Variants in TYW5 observed in about 807,000 individuals in gnomAD.
The protein encoded by TYW5 is tRNA-yW synthesizing protein 5.
In TYW5, 36 loss-of-function variants were observed where a neutral mutation model predicts 44.4. The ratio of observed to expected loss-of-function variants is 0.81; its 90% CI spans 0.62 to 1.07. TYW5 has a LOEUF of 1.07. Ranked by LOEUF, TYW5 falls within the 50% of genes least tolerant of loss-of-function variation. The probability of loss-of-function intolerance (pLI) is 0.00; values close to 1 mark genes in which losing one functional copy is unlikely to be tolerated. For missense variants in TYW5, 354 were observed against 365.7 expected (o/e 0.97, Z 0.26); for synonymous variants, 121 against 128.1 (o/e 0.94, Z 0.37).
chr2:199,952,134 A>T (rs927671606), intron 1 of TYW5, among the ~76,000 whole-genome samples: 6 of 152,170 alleles, frequency 3.9e-5, no homozygotes, highest in Non-Finnish European at 7.3e-5. Context: ...TAATTTATTC[A>T]ATTATTCTCG....
At chr2:199,949,191 C>A (rs992716601) in intron 1 of TYW5, among the ~76,000 whole-genome samples, 1 of 151,482 alleles carries the variant, frequency 6.6e-6, no homozygotes, top group Non-Finnish European at 1.5e-5. Flanking sequence ...CCCATCTCTA[C>A]TAAAAATTAA....
chr2:199,940,199 A>G, intron 3 of TYW5, 66 bp from the exon 4 acceptor site: 1 of 1,389,856 alleles, frequency 7.2e-7, no homozygotes, highest in Non-Finnish European at 1.0e-6. Flanking sequence ...AAATACTAGG[A>G]TTTGTATAGC....
intron 1 of TYW5, among the ~76,000 whole-genome samples, chr2:199,950,525 C>G (rs2077536400): frequency 6.6e-6 from 1 of 152,160 alleles, no homozygotes; most frequent in South Asian, 2.1e-4. Context: ...GCATTCTCCT[C>G]ACATCTCTGT....
intron 2 of TYW5, chr2:199,947,571 T>G (rs1184972622): frequency 6.6e-6 from 1 of 152,206 alleles, no homozygotes; most frequent in African/African-American, 2.4e-5. Context: ...GATGAAAGAT[T>G]ATACCAAACA....
intron 3 of TYW5, among the ~76,000 whole-genome samples, chr2:199,941,283 C>T (rs1559303335): frequency 6.6e-6 from 1 of 152,144 alleles, no homozygotes; most frequent in African/African-American, 2.4e-5. Context: ...TCAAGTGATC[C>T]TCCGGTGTTG....
intron 1 of TYW5, among the ~76,000 whole-genome samples, chr2:199,949,831 T>C (rs2077531323): frequency 6.6e-6 from 1 of 152,214 alleles, no homozygotes; most frequent in Admixed American, 6.5e-5. Context: ...AATATCGAAA[T>C]GAGCTCTAAA....
intron 2 of TYW5, 21 bp from the exon 3 acceptor site, chr2:199,943,855 T>A (rs1406315023): frequency 6.3e-7 from 1 of 1,587,652 alleles, no homozygotes; most frequent in Non-Finnish European, 8.6e-7. Flanking sequence ...CACAAAGGAA[T>A]CCTTGGACTT....
At chr2:199,937,463 G>A (rs903241216) in intron 5 of TYW5, among the ~76,000 whole-genome samples, 3 of 150,892 alleles carry the variant, frequency 2.0e-5, no homozygotes, top group Non-Finnish European at 4.4e-5. Context: ...AGGAGTTTGA[G>A]ACCAGCCTGG....
chr2:199,955,315 C>A, intron 1 of TYW5, 78 bp downstream of exon 1: 1 of 1,521,586 alleles, frequency 6.6e-7, no homozygotes, highest in East Asian at 2.4e-5. Flanking sequence ...TCTCTAAAAA[C>A]CAGTTCCCAG....
intron 7 of TYW5, among the ~76,000 whole-genome samples, 171 bp from the exon 8 acceptor site, chr2:199,933,494 T>C (rs563690298): frequency 6.6e-6 from 1 of 152,354 alleles, no homozygotes; most frequent in South Asian, 2.1e-4. Flanking sequence ...TTAACTTTTA[T>C]GAATTGCCAA....
chr2:199,939,428 A>C (rs946014374), intron 4 of TYW5, among the ~76,000 whole-genome samples: 1 of 152,198 alleles, frequency 6.6e-6, no homozygotes, highest in African/African-American at 2.4e-5. Context: ...CAAATGAAGA[A>C]ATACCAGGCT....
rs1035111472 is a variant in TYW5 at position 199,932,306 on chromosome 2, C to G, written c.*761G>C. On this transcript the variant is annotated 3_prime_UTR_variant, in exon 8 of 8. Coordinates refer to ENST00000354611, the MANE Select transcript of TYW5 (RefSeq NM_001039693.3). ...TAAAGTTCCTCAAAAAATTCTGCTT[C>G]TAGGCAAATGTAATAGATATTGTGC... is the stretch of plus-strand genomic sequence containing the variant. 2.0e-5 allele frequency: 3 copies of G among 152,154 alleles called. No individual in the cohort carries two copies. Among genetic ancestry groups the G allele is most frequent in the African/African-American group, 7.2e-5 (3 of 41,438 alleles). 9.4% of individuals were successfully genotyped at this position (152,154 alleles called of 1,614,324 possible).
chr2:199,951,972 G>C (rs904835500), intron 1 of TYW5, among the ~76,000 whole-genome samples: 2 of 151,388 alleles, frequency 1.3e-5, no homozygotes, highest in South Asian at 2.1e-4. Context: ...AGCTGAGATC[G>C]TGCCACTGCA....
intron 6 of TYW5, 86 bp downstream of exon 6, chr2:199,936,319 G>C: frequency 8.5e-7 from 1 of 1,171,026 alleles, no homozygotes. Context: ...GTACTGAAGT[G>C]TTCTTTTCCT....
intron 5 of TYW5, 126 bp from the exon 6 acceptor site, chr2:199,936,618 C>T (rs985355211): frequency 1.4e-6 from 1 of 698,718 alleles, no homozygotes. Flanking sequence ...AAGACTCTTA[C>T]AGTTACCTAA....
chr2:199,940,573 T>TA (rs1490272790), intron 3 of TYW5, among the ~76,000 whole-genome samples: 2 of 150,266 alleles, frequency 1.3e-5, no homozygotes, highest in Admixed American at 1.3e-4. Flanking sequence ...ATTGTGACAC[T>TA]ACACTCCAGC....
intron 3 of TYW5, among the ~76,000 whole-genome samples, chr2:199,941,105 G>A (rs1240077593): frequency 1.3e-5 from 2 of 152,050 alleles, no homozygotes; most frequent in African/African-American, 2.4e-5. Context: ...TGTCACCCAG[G>A]CTGGAGTGCA....
Position 199,935,983 on chromosome 2 carries a change from C to T in TYW5, c.639G>A (p.Lys213=). The change falls in exon 7 of 8, where the codon AAG becomes AAA. Residue 213 remains lysine, a synonymous_variant. Coordinates refer to ENST00000354611, the MANE Select transcript of TYW5 (RefSeq NM_001039693.3). ...PDLAKYPLFS[K]ARRYECSLEA... ...CAAGGGAACATTCATATCTTCTAGC[C>T]TTGGAAAAAAGTGGATATTTAGCCA... 1.2e-6 allele frequency: 2 copies of T among 1,613,028 alleles called. No individual in the cohort carries two copies. Among genetic ancestry groups the T allele is most frequent in the Non-Finnish European group, 1.7e-6 (2 of 1,179,458 alleles).
intron 1 of TYW5, among the ~76,000 whole-genome samples, chr2:199,954,539 C>A (rs1027416385): frequency 1.3e-5 from 2 of 152,196 alleles, no homozygotes; most frequent in Non-Finnish European, 2.9e-5. Flanking sequence ...TCAAGCGATT[C>A]TCCTGCCTCA....
Sources: gnomAD v4.1 joint callset for allele counts (sites outside exome capture counted in the v4.1 genomes callset) on GRCh38, gnomAD v4.1.1 for gene constraint, MANE v1.5 for transcripts, NCBI Gene and HGNC (gene_info 2026-07-23, HGNC 2026-07-21) for gene names.